B3GAT1: variants seen among roughly 807,000 people sequenced by gnomAD.
The protein encoded by B3GAT1 is galactosylgalactosylxylosylprotein 3-beta-glucuronosyltransferase 1.
In B3GAT1, 11 loss-of-function variants were observed where a neutral mutation model predicts 28.4. That is an observed-to-expected ratio of 0.39 (90% CI 0.24 to 0.64). The LOEUF (loss-of-function observed/expected upper bound fraction) is 0.64, where lower values mean the gene tolerates loss of function less well. Among genes scored for constraint, B3GAT1 ranks in the 30% least tolerant of loss-of-function variants. B3GAT1 has a pLI of 0.50. For synonymous variants in B3GAT1, 255 were observed against 223.1 expected (o/e 1.14, Z -1.27); for missense variants, 375 against 491.0 (o/e 0.76, Z 2.23).
chr11:134,392,524 C>A (rs1452042783), intron 1 of B3GAT1, among the ~76,000 whole-genome samples: 1 of 152,170 alleles, frequency 6.6e-6, no homozygotes, highest in African/African-American at 2.4e-5. Flanking sequence ...TACCTGCCAC[C>A]ATGTCCAGCT....
At chr11:134,403,399 C>G (rs1018244669) in intron 1 of B3GAT1, among the ~76,000 whole-genome samples, 4 of 152,208 alleles carry the variant, frequency 2.6e-5, no homozygotes, top group African/African-American at 7.2e-5. Context: ...GCCCCCAGGA[C>G]CAGGCCAGGT....
In B3GAT1 at chr11:134,382,917, C is replaced by A. The variant is rs1408377819; in HGVS notation, c.711G>T (p.Lys237Asn). The A allele has an allele frequency of 1.9e-6, 3 of 1,612,826 alleles. No homozygotes were observed. Among genetic ancestry groups the A allele is most frequent in the Non-Finnish European group, 2.5e-6 (3 of 1,179,458 alleles). ...CAAACACCGTCTTCCAGCCGACCAC[C>A]TTCCCTGCCCCGTTCACCCGTGGGG... ...YEAPRVNGAGKVVGWKTVFDP... is the reference protein window; with the variant it reads ...YEAPRVNGAGNVVGWKTVFDP... Residue 237 changes from lysine to asparagine, a missense_variant, in exon 4 of 6, where the codon AAG becomes AAT. Coordinates refer to ENST00000312527, the MANE Select transcript of B3GAT1 (RefSeq NM_054025.3).
rs1944445011 is a variant in B3GAT1 at position 134,393,251 on chromosome 11, A to G, written c.-281-5311T>C. 6.6e-6 allele frequency among the ~76,000 whole-genome samples: 1 copy of G among 152,220 alleles called. No homozygotes were observed. The highest frequency in any genetic ancestry group is 2.1e-4 in the South Asian group (1 of 4,832). On this transcript the variant is annotated intron_variant, in intron 1 of 5. Transcript: ENST00000312527. The surrounding 1 kb of genome is among the most constrained non-coding windows in gnomAD (Gnocchi z 4.0). ...TCTTTCCAAATGATACATACATGCC[A>G]TACATTTCAATGTAAGTAACTCGCA...
chr11:134,406,431 C>T (rs1215074248), intron 1 of B3GAT1, among the ~76,000 whole-genome samples: 3 of 151,780 alleles, frequency 2.0e-5, no homozygotes, highest in Admixed American at 1.3e-4. Flanking sequence ...TCATCTCATT[C>T]TAGCTCCCTG....
intron 1 of B3GAT1, among the ~76,000 whole-genome samples, chr11:134,396,598 C>T (rs1944509149): frequency 6.6e-6 from 1 of 152,160 alleles, no homozygotes; most frequent in Middle Eastern, 3.4e-3. Flanking sequence ...AATACTGCTC[C>T]TACCACTAGG....
chr11:134,406,092 G>A (rs11223785), intron 1 of B3GAT1, among the ~76,000 whole-genome samples: 27,682 of 152,190 alleles, frequency 0.18, 2,652 homozygotes, highest in African/African-American at 0.2. Flanking sequence ...TGGGACCAGC[G>A]CCCGGGGGGC....
Position 134,383,900 on chromosome 11 carries a change from A to T in B3GAT1, c.401T>A (p.Leu134Gln), listed in dbSNP as rs768362873. The T allele has an allele frequency of 6.3e-7, 1 of 1,596,054 alleles. No homozygotes were observed. Among genetic ancestry groups the T allele is most frequent in the Non-Finnish European group, 8.5e-7 (1 of 1,175,548 alleles). ...CGTGTAGTTGAGGCCGGTGTCGCGC[A>T]GCAGGCGCGCGGTCAGCGGCGTCCG... Reference protein sequence around the residue: ...PRRTPLTARLLRDTGLNYTHL... With the variant: ...PRRTPLTARLQRDTGLNYTHL... Residue 134 changes from leucine to glutamine, a missense_variant, in exon 3 of 6, where the codon CTG (leucine) becomes CAG (glutamine). Physicochemically the swap from Leu to Gln is moderately radical, Grantham distance 113. Coordinates refer to ENST00000312527, the MANE Select transcript of B3GAT1 (RefSeq NM_054025.3).
chr11:134,411,990 G>T lies in B3GAT1; in HGVS notation c.-465C>A, dbSNP rs1318390978. The stretch of plus-strand genomic sequence containing the variant: ...CGGGGTCCGCGCGCCCGCCCGCCCC[G>T]CCCGGCCCCGCCGCCCCGGCCCGGC... On this transcript the variant is annotated 5_prime_UTR_variant, in exon 1 of 6. Transcript: ENST00000312527. The surrounding 1 kb of genome is among the most constrained non-coding windows in gnomAD (Gnocchi z 6.0). The T allele has an allele frequency of 7.7e-6, 1 of 130,398 alleles. No homozygotes were observed. The highest frequency in any genetic ancestry group is 1.7e-5 in the Non-Finnish European group (1 of 58,700). 8.1% of individuals were successfully genotyped at this position (130,398 alleles called of 1,614,324 possible).
Position 134,387,836 on chromosome 11 carries a change from C to T in B3GAT1, c.-177G>A. 6.5e-7 allele frequency: 1 copy of T among 1,532,006 alleles called. No individual in the cohort carries two copies. The highest frequency in any genetic ancestry group is 1.4e-5 in the African/African-American group (1 of 73,070). 94.9% of individuals were successfully genotyped at this position (1,532,006 alleles called of 1,614,324 possible). ...GGCTAGCAGGTCTTACCAGCACTCA[C>T]AACCCACCCATTGCGGAAGCAGGTT... On this transcript the variant is annotated 5_prime_UTR_variant, in exon 2 of 6. The change creates a new upstream start codon in the 5' untranslated region. Transcript: ENST00000312527.
intron 1 of B3GAT1, among the ~76,000 whole-genome samples, chr11:134,406,970 C>CAT (rs1944745374): frequency 6.6e-6 from 1 of 152,062 alleles, no homozygotes; most frequent in African/African-American, 2.4e-5. Flanking sequence ...TAGAACTTTC[C>CAT]GTGCCCAAAA....
Position 134,393,344 on chromosome 11 carries a change from G to A in B3GAT1, c.-281-5404C>T, listed in dbSNP as rs569022560. Reference sequence around the variant, plus strand: ...ATGCATGCTAATTTTTCCCAAATCCGAACGACCCATCCTTGCTGGCTCTCA... The same window carrying A: ...ATGCATGCTAATTTTTCCCAAATCCAAACGACCCATCCTTGCTGGCTCTCA... On this transcript the variant is annotated intron_variant, in intron 1 of 5. Transcript: ENST00000312527. This position sits in a 1 kb window ranked among gnomAD's most constrained non-coding sequence, Gnocchi z 4.0. Among the ~76,000 whole-genome samples, 19 of 152,234 alleles carry A rather than the reference G, an allele frequency of 1.2e-4. No individual in the cohort carries two copies. Among genetic ancestry groups the A allele is most frequent in the Middle Eastern group, 3.4e-3 (1 of 294 alleles).
chr11:134,394,612 T>G (rs75373472), intron 1 of B3GAT1, among the ~76,000 whole-genome samples: 15,335 of 152,268 alleles, frequency 0.1, 913 homozygotes, highest in Non-Finnish European at 0.14. Context: ...TGCCCTCGCC[T>G]TGCTCATGGA....
chr11:134,383,607 A>G, intron 3 of B3GAT1, 73 bp downstream of exon 3: 3 of 1,437,760 alleles, frequency 2.1e-6, no homozygotes, highest in South Asian at 1.5e-5. Context: ...CCGCACCCAC[A>G]CCCCCTTCTC....
At chr11:134,402,659 C>G (rs1306905988) in intron 1 of B3GAT1, among the ~76,000 whole-genome samples, 2 of 152,132 alleles carry the variant, frequency 1.3e-5, no homozygotes, top group African/African-American at 4.8e-5. Flanking sequence ...ATGCCTGTAA[C>G]CCCAGCACAT....
chr11:134,410,458 C>G (rs753217278), intron 1 of B3GAT1, among the ~76,000 whole-genome samples: 4 of 152,224 alleles, frequency 2.6e-5, no homozygotes, highest in Non-Finnish European at 5.9e-5. Flanking sequence ...GGGAAAATGT[C>G]TCTAAGCTCT....
In B3GAT1 at chr11:134,411,670, G is replaced by GCAGACA. The variant is rs1555100015; in HGVS notation, c.-282+136_-282+137insTGTCTG. On this transcript the variant is annotated intron_variant, in intron 1 of 5. Transcript: ENST00000312527. This position sits in a 1 kb window ranked among gnomAD's most constrained non-coding sequence, Gnocchi z 6.0. ...TCCAGCTGCCCCCAGCGCGCGCAGC[G>GCAGACA]CACACACACACACACACACACACAC... is the stretch of plus-strand genomic sequence containing the variant. 5.5e-5 allele frequency: 8 copies of GCAGACA among 144,640 alleles called. No individual in the cohort carries two copies. Among genetic ancestry groups the GCAGACA allele is most frequent in the African/African-American group, 2.0e-4 (8 of 39,582 alleles). The allele number at this position is 144,640 out of a possible 1,614,324, so 9.0% of individuals were successfully genotyped here.
intron 2 of B3GAT1, chr11:134,384,454 C>T: frequency 2.1e-6 from 1 of 482,032 alleles, no homozygotes; most frequent in Non-Finnish European, 3.6e-6. Context: ...AGCGCAGTTG[C>T]CCATATTCCA....
At chr11:134,398,840 G>A (rs951167105) in intron 1 of B3GAT1, among the ~76,000 whole-genome samples, 6 of 152,224 alleles carry the variant, frequency 3.9e-5, no homozygotes, top group African/African-American at 4.8e-5. Context: ...CTGCACACCC[G>A]GCTGGCAGCT....
intron 2 of B3GAT1, chr11:134,384,452 T>C: frequency 2.1e-6 from 1 of 485,516 alleles, no homozygotes; most frequent in Non-Finnish European, 3.6e-6. Context: ...TGAGCGCAGT[T>C]GCCCATATTC....
Sources: gnomAD v4.1 joint callset for allele counts (sites outside exome capture counted in the v4.1 genomes callset) on GRCh38, gnomAD v4.1.1 for gene constraint, Gnocchi (gnomAD v3.1) non-coding constraint, MANE v1.5 for transcripts, NCBI Gene and HGNC (gene_info 2026-07-23, HGNC 2026-07-21) for gene names.